Variants in NPEPPS observed in about 807,000 individuals in gnomAD.
NPEPPS encodes the protein puromycin-sensitive aminopeptidase.
A neutral mutation model predicts 115.5 loss-of-function variants in NPEPPS; 14 were observed. The ratio of observed to expected loss-of-function variants is 0.12; its 90% CI spans 0.08 to 0.19. NPEPPS has a LOEUF of 0.19. Among genes scored for constraint, NPEPPS ranks in the 10% least tolerant of loss-of-function variants. The pLI is 1.00. For synonymous variants in NPEPPS, 285 were observed against 390.6 expected (o/e 0.73, Z 3.19); for missense variants, 523 against 1,110.8 (o/e 0.47, Z 7.52).
At chr17:47,602,878 A>G (rs1913301765) in intron 15 of NPEPPS, among the ~76,000 whole-genome samples, 1 of 152,030 alleles carries the variant, frequency 6.6e-6, no homozygotes, top group Admixed American at 6.6e-5. Context: ...ATAATCTGGA[A>G]GATTATGTTG....
At position 47,616,875 on chromosome 17, in the gene NPEPPS, A is replaced by G. The variant is rs143883187; in HGVS notation, c.2296-1475A>G. Among the ~76,000 whole-genome samples, 458 of 151,874 alleles carry G rather than the reference A, an allele frequency of 3.0e-3. 2 individuals are homozygous for G. The highest frequency in any genetic ancestry group is 0.01 in the African/African-American group (433 of 41,476). ...TTAAAATTGTTTATTGAAAAAAAAA[A>G]AAGTGTCGAAAGGAAGAGGAAACTG... On this transcript the variant is annotated intron_variant, in intron 19 of 22. Coordinates refer to ENST00000322157, the MANE Select transcript of NPEPPS (RefSeq NM_006310.4).
At chr17:47,575,673 C>T (rs1286736274) in intron 3 of NPEPPS, among the ~76,000 whole-genome samples, 3 of 151,194 alleles carry the variant, frequency 2.0e-5, no homozygotes, top group Non-Finnish European at 4.4e-5. Flanking sequence ...GGCGCGATCT[C>T]AGCTCACTGC....
intron 1 of NPEPPS, among the ~76,000 whole-genome samples, chr17:47,536,603 C>G (rs1597809648): frequency 6.6e-6 from 1 of 150,722 alleles, no homozygotes; most frequent in Non-Finnish European, 1.5e-5. Context: ...CCATGTTGGT[C>G]AGGCTGGTCT....
intron 2 of NPEPPS, among the ~76,000 whole-genome samples, chr17:47,561,644 T>C (rs1186491355): frequency 1.3e-5 from 2 of 152,202 alleles, no homozygotes; most frequent in East Asian, 3.8e-4. Context: ...GACCTTTTCT[T>C]GCCTTGCTTT....
chr17:47,619,285 G>C, intron 21 of NPEPPS, 121 bp downstream of exon 21: 1 of 996,090 alleles, frequency 1.0e-6, no homozygotes, highest in Non-Finnish European at 1.5e-6. Context: ...CAGGTGCAGT[G>C]GCTCACGCCT....
intron 19 of NPEPPS, among the ~76,000 whole-genome samples, chr17:47,617,216 C>T (rs562040456): frequency 2.0e-5 from 3 of 152,080 alleles, no homozygotes; most frequent in East Asian, 3.9e-4. Flanking sequence ...TTATTTTTTT[C>T]TTTATGCTTC....
chr17:47,583,765 C>T (rs562890837), intron 5 of NPEPPS, among the ~76,000 whole-genome samples: 1 of 151,584 alleles, frequency 6.6e-6, no homozygotes, highest in African/African-American at 2.4e-5. Context: ...AGATTTAAAA[C>T]TTAAAAGTTA....
At chr17:47,613,279 T>TC (rs761769104) in intron 18 of NPEPPS, among the ~76,000 whole-genome samples, 5,083 of 143,656 alleles carry the variant, frequency 0.035, 101 homozygotes, top group East Asian at 0.09. Context: ...TTTTTTTTTT[T>TC]TTCTGAGACG....
chr17:47,618,585 G>C, intron 20 of NPEPPS, 128 bp downstream of exon 20: 2 of 646,334 alleles, frequency 3.1e-6, no homozygotes, highest in South Asian at 4.1e-5. Flanking sequence ...AGAGTAACTG[G>C]CTTGAGTTTT....
intron 1 of NPEPPS, among the ~76,000 whole-genome samples, chr17:47,535,134 T>G (rs1209929826): frequency 2.1e-5 from 3 of 143,762 alleles, no homozygotes; most frequent in African/African-American, 8.0e-5. Flanking sequence ...TCCCAGCTGC[T>G]CAGGAGCCTG....
chr17:47,569,574 A>G, intron 3 of NPEPPS, 80 bp downstream of exon 3: 2 of 783,002 alleles, frequency 2.6e-6, no homozygotes, highest in Non-Finnish European at 4.2e-6. Flanking sequence ...ATTGTATGCC[A>G]TTTTTCCCCT....
intron 22 of NPEPPS, among the ~76,000 whole-genome samples, chr17:47,621,096 A>T (rs1301657364): frequency 6.8e-6 from 1 of 147,798 alleles, no homozygotes; most frequent in African/African-American, 2.5e-5. Flanking sequence ...TGGGAGGTTT[A>T]CTTGAGCCCA....
chr17:47,611,470 A>AG (rs1366956074), intron 17 of NPEPPS, among the ~76,000 whole-genome samples: 139 of 151,500 alleles, frequency 9.2e-4, no homozygotes, highest in African/African-American at 3.0e-3. Flanking sequence ...AAAAAAAAAA[A>AG]AAAAGAGACA....
intron 2 of NPEPPS, among the ~76,000 whole-genome samples, chr17:47,565,648 C>T (rs1284298877): frequency 6.6e-6 from 1 of 150,708 alleles, no homozygotes; most frequent in Non-Finnish European, 1.5e-5. Flanking sequence ...GGTGAAACCC[C>T]ATGTCTATAA....
intron 2 of NPEPPS, among the ~76,000 whole-genome samples, chr17:47,558,067 C>G (rs769603498): frequency 6.6e-6 from 1 of 151,710 alleles, no homozygotes; most frequent in Non-Finnish European, 1.5e-5. Flanking sequence ...GCTGGGACTT[C>G]AGGTGTACGC....
At chr17:47,549,355 C>T (rs1909465345) in intron 2 of NPEPPS, among the ~76,000 whole-genome samples, 1 of 151,522 alleles carries the variant, frequency 6.6e-6, no homozygotes, top group African/African-American at 2.4e-5. Context: ...AAATATTTTC[C>T]TTCAGAACTA....
At chr17:47,586,095 A>G (rs1307139574) in intron 6 of NPEPPS, 53 bp from the exon 7 acceptor site, 2 of 545,830 alleles carry the variant, frequency 3.7e-6, no homozygotes, top group South Asian at 3.8e-5. Context: ...GGGTTTCAAT[A>G]TGAATTATAA....
Position 47,605,511 on chromosome 17 carries a change from C to G in NPEPPS, c.2054C>G (p.Pro685Arg), listed in dbSNP as rs372571754. Reference protein sequence around the residue: ...IQEFVKDVFSPIGERLGWDPK... With the variant: ...IQEFVKDVFSRIGERLGWDPK... ...GAGTTTGTGAAAGATGTCTTTTCAC[C>G]TATAGGGGAGAGACTGGGCTGGGAC... Residue 685 changes from proline (P) to arginine (R), a missense_variant, in exon 17 of 23, where the codon CCT (proline) becomes CGT (arginine). Coordinates refer to ENST00000322157, the MANE Select transcript of NPEPPS (RefSeq NM_006310.4). The G allele has an allele frequency of 6.3e-7, 1 of 1,599,538 alleles. No homozygotes were observed. The highest frequency in any genetic ancestry group is 1.3e-5 in the African/African-American group (1 of 74,694).
chr17:47,606,092 G>C (rs1341869125), intron 17 of NPEPPS, among the ~76,000 whole-genome samples: 2 of 152,052 alleles, frequency 1.3e-5, no homozygotes, highest in Non-Finnish European at 2.9e-5. Flanking sequence ...GGTCAGGCTG[G>C]TCTCGAACCC....
Sources: allele counts gnomAD v4.1 joint callset (sites outside exome capture counted in the v4.1 genomes callset), GRCh38; gene constraint gnomAD v4.1.1; transcripts MANE v1.5; gene names NCBI Gene and HGNC (gene_info 2026-07-23, HGNC 2026-07-21).